Variants in EYA1 observed in about 807,000 individuals in gnomAD.
The protein encoded by EYA1 is EYA transcriptional coactivator and phosphatase 1, also known as protein phosphatase EYA1.
Under a neutral mutation model 82.0 loss-of-function variants are expected in EYA1, and 16 were observed. That is an observed-to-expected ratio of 0.20 (90% CI 0.13 to 0.30). The LOEUF (loss-of-function observed/expected upper bound fraction) is 0.30. Among genes scored for constraint, EYA1 ranks in the 10% least tolerant of loss-of-function variants. EYA1 has a pLI of 1.00. For synonymous variants in EYA1, 261 were observed against 264.4 expected, an observed-to-expected ratio of 0.99 and a Z score of 0.12; for missense variants, 633 against 730.7, an observed-to-expected ratio of 0.87 and a Z score of 1.54.
At position 71,271,811 on chromosome 8, in the gene EYA1, C is replaced by T; in HGVS notation, c.913G>A (p.Gly305Arg). ...LRRGSDGKSR[G>R]RGRRNNNPSP... is the part of the protein sequence containing the mutation. ...GGATTATTGTTTCTTCGGCCCCGTC[C>T]ACGTGATTTCCCATCTGAACCTCGA... Residue 305 changes from glycine (G) to arginine (R), a missense_variant, in exon 10 of 18, where the codon GGA becomes AGA. Coordinates refer to ENST00000340726, the MANE Select transcript of EYA1 (RefSeq NM_000503.6). 1 of 1,614,182 alleles carries T rather than the reference C, an allele frequency of 6.2e-7. No homozygotes were observed. The highest frequency in any genetic ancestry group is 8.5e-7 in the Non-Finnish European group (1 of 1,180,040).
chr8:71,314,148 G>C (rs1473023544), intron 7 of EYA1, among the ~76,000 whole-genome samples: 2 of 152,048 alleles, frequency 1.3e-5, no homozygotes, highest in Non-Finnish European at 2.9e-5. Flanking sequence ...ATTCATTAAG[G>C]ATTAAAAGAA....
intron 11 of EYA1, 150 bp downstream of exon 11, chr8:71,269,590 T>C (rs1816267205): frequency 1.9e-6 from 1 of 514,428 alleles, no homozygotes; most frequent in Non-Finnish European, 3.4e-6. Flanking sequence ...TTACATATTT[T>C]TTACCTTACA....
At chr8:71,259,919 TTAA>T (rs1419910850) in intron 11 of EYA1, among the ~76,000 whole-genome samples, 7 of 152,218 alleles carry the variant, frequency 4.6e-5, no homozygotes, top group Non-Finnish European at 1.5e-5. Flanking sequence ...TATTGTTGAT[TTAA>T]TAATGCCACA....
intron 12 of EYA1, among the ~76,000 whole-genome samples, chr8:71,244,121 A>C (rs1440085491): frequency 6.6e-6 from 1 of 152,246 alleles, no homozygotes; most frequent in East Asian, 1.9e-4. Context: ...AATTAACAGC[A>C]GTGTGACATA....
rs148644924 is a variant in EYA1 at position 71,285,191 on chromosome 8, T to G, written c.827-13294A>C. 4.0e-3 allele frequency among the ~76,000 whole-genome samples: 605 copies of G among 152,356 alleles called. 6 individuals carry two copies. Among genetic ancestry groups the G allele is most frequent in the African/African-American group, 0.014 (577 of 41,578 alleles). Reference sequence around the variant, plus strand: ...TGCCTTCAATTAGGGAACCAGGGGATGCAATTTAATAGCACAATTAAGAAA... The same window carrying G: ...TGCCTTCAATTAGGGAACCAGGGGAGGCAATTTAATAGCACAATTAAGAAA... On this transcript the variant is annotated intron_variant, in intron 9 of 17. Coordinates refer to ENST00000340726, the MANE Select transcript of EYA1 (RefSeq NM_000503.6).
At chr8:71,286,602 T>C (rs1047594638) in intron 9 of EYA1, among the ~76,000 whole-genome samples, 4 of 152,048 alleles carry the variant, frequency 2.6e-5, no homozygotes, top group African/African-American at 9.7e-5. Flanking sequence ...GTGCTGAGAA[T>C]AGAAATAGAC....
chr8:71,364,939 C>CATATATATATATATATAT (rs34890892), upstream of EYA1, among the ~76,000 whole-genome samples: 1 of 88,174 alleles, frequency 1.1e-5, no homozygotes, highest in Non-Finnish European at 2.2e-5. Context: ...AAGCAAATGT[C>CATATATATATATATATAT]ATATATATAT....
At chr8:71,205,243 A>T (rs961385768) in intron 17 of EYA1, among the ~76,000 whole-genome samples, 5 of 152,178 alleles carry the variant, frequency 3.3e-5, no homozygotes, top group Non-Finnish European at 5.9e-5. Context: ...GATTTATTTT[A>T]AATAGTTCTC....
At chr8:71,474,783 G>A (rs911514503) in intron 2 of EYA1, among the ~76,000 whole-genome samples, 11 of 152,140 alleles carry the variant, frequency 7.2e-5, no homozygotes, top group African/African-American at 2.7e-4. Context: ...CAGGGGACTG[G>A]TAAAATAAAT....
At chr8:71,340,821 GC>G (rs1372954980) in intron 3 of EYA1, among the ~76,000 whole-genome samples, 1 of 151,886 alleles carries the variant, frequency 6.6e-6, no homozygotes, top group Non-Finnish European at 1.5e-5. Flanking sequence ...ACAGGACTTA[GC>G]CCAACGTTTG....
At chr8:71,359,682 T>C (rs11776476) in intron 1 of EYA1, among the ~76,000 whole-genome samples, 40,739 of 152,028 alleles carry the variant, frequency 0.27, 6,731 homozygotes, top group Middle Eastern at 0.43. Context: ...GGGTTTTCCA[T>C]AGGCTTTTTT....
chr8:71,330,988 T>A (rs1441152388), intron 4 of EYA1, among the ~76,000 whole-genome samples: 1 of 152,078 alleles, frequency 6.6e-6, no homozygotes, highest in Non-Finnish European at 1.5e-5. Flanking sequence ...CCCAGCACTT[T>A]GGGAGGCCGA....
chr8:71,298,922 T>C lies in EYA1; in HGVS notation c.826+125A>G, dbSNP rs79848957. 1,950 of 795,744 alleles carry C rather than the reference T, an allele frequency of 2.5e-3. 8 individuals carry two copies. The highest frequency in any genetic ancestry group is 3.6e-3 in the Non-Finnish European group (1,631 of 455,016). The allele number at this position is 795,744 out of a possible 1,614,324, so 49.3% of individuals were successfully genotyped here. On this transcript the variant is annotated intron_variant, in intron 9 of 17. Transcript: ENST00000340726. ...AATGCCACAGTCATGCTGCTTGACT[T>C]ATATTTAGTCCTTGCCAAAAGCTGC...
intron 2 of EYA1, among the ~76,000 whole-genome samples, chr8:71,448,019 T>TC (rs1807029730): frequency 1.7e-5 from 1 of 59,410 alleles, no homozygotes; most frequent in Non-Finnish European, 3.1e-5. Context: ...CTTTTTTTTT[T>TC]TTTTTTTCTC....
intron 12 of EYA1, among the ~76,000 whole-genome samples, chr8:71,242,092 C>A (rs1397680107): frequency 1.3e-5 from 2 of 152,020 alleles, no homozygotes; most frequent in Non-Finnish European, 2.9e-5. Flanking sequence ...ATCTGTAATC[C>A]CAGCTACTTG....
At chr8:71,268,926 G>A (rs6981434) in intron 11 of EYA1, among the ~76,000 whole-genome samples, 39,971 of 151,958 alleles carry the variant, frequency 0.26, 5,319 homozygotes, top group Admixed American at 0.3. Context: ...TAAGAATTCA[G>A]TCTCTAATGC....
intron 2 of EYA1, among the ~76,000 whole-genome samples, chr8:71,499,238 G>C (rs1399869557): frequency 1.3e-5 from 2 of 152,176 alleles, no homozygotes; most frequent in Non-Finnish European, 2.9e-5. Flanking sequence ...ACTAAATCCA[G>C]TTGGTCCTTT....
intron 3 of EYA1, among the ~76,000 whole-genome samples, chr8:71,346,013 C>T (rs1057033697): frequency 6.6e-6 from 1 of 151,756 alleles, no homozygotes; most frequent in Admixed American, 6.6e-5. Flanking sequence ...CACGTGCACA[C>T]GTGCGCGCAC....
At chr8:71,526,661 C>G (rs774931063) in intron 2 of EYA1, among the ~76,000 whole-genome samples, 3 of 152,204 alleles carry the variant, frequency 2.0e-5, no homozygotes, top group Non-Finnish European at 4.4e-5. Context: ...CCTGAGTGCC[C>G]TTGCAACATA....
Sources: allele counts gnomAD v4.1 joint callset (sites outside exome capture counted in the v4.1 genomes callset), GRCh38; gene constraint gnomAD v4.1.1; transcripts MANE v1.5; gene names NCBI Gene and HGNC (gene_info 2026-07-23, HGNC 2026-07-21).